Variants in PKN2 observed in about 807,000 individuals in gnomAD.
PKN2 encodes the protein serine/threonine-protein kinase N2.
Under a neutral mutation model 119.1 loss-of-function variants are expected in PKN2, and 38 were observed. That is an observed-to-expected ratio of 0.32 (90% confidence interval 0.25 to 0.42). PKN2 has a LOEUF of 0.42. Among genes scored for constraint, PKN2 ranks in the 10% least tolerant of loss-of-function variants. PKN2 has a pLI of 1.00. For synonymous variants in PKN2, 390 were observed against 384.9 expected, an observed-to-expected ratio of 1.01 and a Z score of -0.15; for missense variants, 850 against 1,165.1, an observed-to-expected ratio of 0.73 and a Z score of 3.94.
chr1:88,724,410 CT>C (rs1667813819), intron 1 of PKN2, among the ~76,000 whole-genome samples: 1 of 152,160 alleles, frequency 6.6e-6, no homozygotes, highest in East Asian at 1.9e-4. Flanking sequence ...GCAAATGTCT[CT>C]TGTTACATAC....
intron 8 of PKN2, among the ~76,000 whole-genome samples, chr1:88,802,632 GTACTT>G (rs774447844): frequency 1.3e-5 from 2 of 152,042 alleles, no homozygotes; most frequent in Admixed American, 1.3e-4. Context: ...AGCCTATAAT[GTACTT>G]TAGTTTGAAG....
chr1:88,783,614 T>A (rs1393542220), intron 6 of PKN2, among the ~76,000 whole-genome samples: 2 of 152,234 alleles, frequency 1.3e-5, no homozygotes, highest in East Asian at 3.8e-4. Context: ...GGGACAACTT[T>A]TACCAGAAAT....
chr1:88,690,340 C>G (rs1223270668), intron 1 of PKN2, among the ~76,000 whole-genome samples: 2 of 152,198 alleles, frequency 1.3e-5, no homozygotes, highest in Admixed American at 1.3e-4. Flanking sequence ...AATAATGTTA[C>G]TTTCATACCA....
chr1:88,753,547 A>G (rs1355639683), intron 2 of PKN2, among the ~76,000 whole-genome samples: 1 of 152,060 alleles, frequency 6.6e-6, no homozygotes, highest in African/African-American at 2.4e-5. Context: ...TAATTGGCTT[A>G]TGGTTCCACA....
chr1:88,726,917 C>A (rs528266883), intron 1 of PKN2, among the ~76,000 whole-genome samples: 9 of 152,022 alleles, frequency 5.9e-5, no homozygotes, highest in Non-Finnish European at 7.4e-5. Context: ...GTATTCTGTT[C>A]TTGTTAGGTG....
chr1:88,688,573 A>C (rs1180672052), intron 1 of PKN2, among the ~76,000 whole-genome samples: 3 of 152,218 alleles, frequency 2.0e-5, no homozygotes, highest in African/African-American at 7.2e-5. Flanking sequence ...GTAGTCTATA[A>C]TTTAGCAGTG....
intron 8 of PKN2, among the ~76,000 whole-genome samples, chr1:88,791,945 A>G (rs1048665638): frequency 3.3e-5 from 5 of 152,232 alleles, no homozygotes; most frequent in Admixed American, 3.3e-4. Flanking sequence ...AATATAGCAG[A>G]ACAAGAGTAG....
In PKN2 at chr1:88,685,279, A is replaced by C. The variant is rs1666043928; in HGVS notation, c.48+651A>C. The C allele has an allele frequency of 2.0e-5, 3 of 150,896 alleles. No individual in the cohort carries two copies. The South Asian group carries it at 6.2e-4, about 31-fold the overall frequency. The allele number at this position is 150,896 out of a possible 1,614,324, so 9.3% of individuals were successfully genotyped here. A position where few individuals can be genotyped will look rare whatever the true frequency, so the allele number is the denominator to read the frequency against. ...CTTTTTTTTTTTTTAACCGAGTGAT[A>C]AATACAGGGTGCCTTTCTCTGCTAC... On this transcript the variant is annotated intron_variant, in intron 1 of 21. Coordinates refer to ENST00000370521, the MANE Select transcript of PKN2 (RefSeq NM_006256.4).
At chr1:88,783,835 G>T (rs999756943) in intron 6 of PKN2, among the ~76,000 whole-genome samples, 4 of 152,002 alleles carry the variant, frequency 2.6e-5, no homozygotes, top group African/African-American at 9.7e-5. Flanking sequence ...TACAACCCAT[G>T]ATTTTTTGGC....
At chr1:88,792,558 C>T (rs1351761905) in intron 8 of PKN2, among the ~76,000 whole-genome samples, 2 of 152,180 alleles carry the variant, frequency 1.3e-5, no homozygotes, top group East Asian at 1.9e-4. Context: ...CGAAAATCCA[C>T]ATAACACTTT....
intron 1 of PKN2, among the ~76,000 whole-genome samples, chr1:88,702,449 A>G (rs1666812574): frequency 6.6e-6 from 1 of 152,208 alleles, no homozygotes; most frequent in Non-Finnish European, 1.5e-5. Context: ...ATACTTTGAC[A>G]GGCAAATTAT....
At chr1:88,742,774 G>A (rs1668625637) in intron 2 of PKN2, among the ~76,000 whole-genome samples, 3 of 151,948 alleles carry the variant, frequency 2.0e-5, no homozygotes, top group Admixed American at 6.6e-5. Context: ...CACTGGAGCT[G>A]TTTATTTAGA....
Position 88,803,958 on chromosome 1 carries a change from G to C in PKN2, c.1282-433G>C, listed in dbSNP as rs1671434648. ...AATGCTATTTGCAGAACTTTTTCTG[G>C]CTTAGCAATGAGACAAATAAATACA... On this transcript the variant is annotated intron_variant, in intron 8 of 21. Transcript: ENST00000370521. Among the ~76,000 whole-genome samples, 6 of 152,068 alleles carry C rather than the reference G, an allele frequency of 3.9e-5. No homozygotes were observed. In the South Asian group the frequency reaches 1.2e-3, roughly 31 times the overall value.
intron 19 of PKN2, among the ~76,000 whole-genome samples, 181 bp downstream of exon 19, chr1:88,828,804 G>C (rs1672610434): frequency 6.6e-6 from 1 of 152,158 alleles, no homozygotes; most frequent in African/African-American, 2.4e-5. Context: ...TTTTTATGTG[G>C]TTTGTGGAAT....
intron 1 of PKN2, among the ~76,000 whole-genome samples, chr1:88,735,827 T>C (rs1423657497): frequency 1.3e-5 from 2 of 152,166 alleles, no homozygotes; most frequent in Non-Finnish European, 2.9e-5. Flanking sequence ...GGGCTGTATC[T>C]GATTGGTAAC....
chr1:88,713,328 C>T (rs928428694), intron 1 of PKN2, among the ~76,000 whole-genome samples: 1 of 152,116 alleles, frequency 6.6e-6, no homozygotes, highest in Non-Finnish European at 1.5e-5. Flanking sequence ...ATTTCTAGTT[C>T]TAGATCCTTG....
chr1:88,827,438 C>A (rs1007174536), intron 18 of PKN2, among the ~76,000 whole-genome samples: 1 of 151,530 alleles, frequency 6.6e-6, no homozygotes, highest in African/African-American at 2.4e-5. Flanking sequence ...TTATACATAG[C>A]CTGAAGGTAA....
chr1:88,763,549 G>A (rs1463412125), intron 3 of PKN2, among the ~76,000 whole-genome samples: 1 of 147,534 alleles, frequency 6.8e-6, no homozygotes, highest in Non-Finnish European at 1.5e-5. Flanking sequence ...AGAGGTTGTG[G>A]TGAGCCAAGA....
At chr1:88,689,423 T>A (rs112225911) in intron 1 of PKN2, among the ~76,000 whole-genome samples, 1,525 of 152,338 alleles carry the variant, frequency 0.01, 22 homozygotes, top group African/African-American at 0.035. Context: ...AAAACTTTTT[T>A]CTTGCCACTG....
Sources: allele counts gnomAD v4.1 joint callset (sites outside exome capture counted in the v4.1 genomes callset), GRCh38; gene constraint gnomAD v4.1.1; transcripts MANE v1.5; gene names NCBI Gene and HGNC (gene_info 2026-07-23, HGNC 2026-07-21).